ZMAT1: variants seen among roughly 807,000 people sequenced by gnomAD.
The protein encoded by ZMAT1 is zinc finger matrin-type protein 1.
In ZMAT1, 11 loss-of-function variants were observed where a neutral mutation model predicts 18.5. That is an observed-to-expected ratio of 0.59 (90% CI 0.37 to 0.98). ZMAT1 has a LOEUF of 0.98. ZMAT1 is among the 50% of genes least tolerant of loss of function. The probability of loss-of-function intolerance (pLI) is 0.01; values close to 1 mark genes in which losing one functional copy is unlikely to be tolerated. For synonymous variants in ZMAT1, 211 were observed against 176.4 expected (o/e 1.20, Z -1.55); for missense variants, 525 against 496.2 (o/e 1.06, Z -0.55).
At chrX:101,924,481 G>T (rs1161671390) in intron 1 of ZMAT1, among the ~76,000 whole-genome samples, 1 of 112,098 alleles carries the variant, frequency 8.9e-6, no homozygotes, top group African/African-American at 3.2e-5. Flanking sequence ...CAAGTATGAA[G>T]TGGAATATAC....
intron 1 of ZMAT1, chrX:101,918,750 G>T (rs1929529309): frequency 9.0e-6 from 1 of 111,340 alleles, no homozygotes; most frequent in South Asian, 3.8e-4. Context: ...ACTATTAAAG[G>T]TTCAAGAATT....
At chrX:101,908,182 C>T (rs766390820) in intron 1 of ZMAT1, among the ~76,000 whole-genome samples, 3 of 112,312 alleles carry the variant, frequency 2.7e-5, no homozygotes, top group South Asian at 3.7e-4. Flanking sequence ...TATCTAACTT[C>T]GATTCTAACA....
intron 1 of ZMAT1, among the ~76,000 whole-genome samples, chrX:101,920,758 T>G (rs1437714356): frequency 1.8e-5 from 2 of 112,280 alleles, no homozygotes; most frequent in African/African-American, 3.2e-5. Context: ...AATCAGGGTT[T>G]TCTATCACAT....
At chrX:101,894,546 A>G (rs1457800706) in intron 4 of ZMAT1, 3 of 612,607 alleles carry the variant, frequency 4.9e-6, no homozygotes, top group African/African-American at 2.5e-5. Context: ...ATGTGAATCT[A>G]ATACTTGACA....
chrX:101,889,386 A>T (rs1293314352), intron 4 of ZMAT1: 1 of 110,542 alleles, frequency 9.0e-6, no homozygotes, highest in African/African-American at 3.3e-5. Flanking sequence ...TATCGCTTGT[A>T]CCCTTCAGAA....
At chrX:101,890,694 G>A (rs895018092) in intron 4 of ZMAT1, among the ~76,000 whole-genome samples, 2 of 110,787 alleles carry the variant, frequency 1.8e-5, no homozygotes, top group African/African-American at 3.3e-5. Flanking sequence ...AGAGGTATGC[G>A]AGCACAAAGA....
At chrX:101,924,905 G>A (rs910481171) in intron 1 of ZMAT1, among the ~76,000 whole-genome samples, 1 of 112,325 alleles carries the variant, frequency 8.9e-6, no homozygotes, top group African/African-American at 3.2e-5. Flanking sequence ...AATTTGGGAT[G>A]ATGAAAAAGT....
Position 101,883,888 on chromosome X carries a change from T to C in ZMAT1, c.1710A>G (p.Val570=), listed in dbSNP as rs369909616. Residue 570 remains valine, a synonymous_variant, in exon 6 of 6, where the codon GTA becomes GTG. Coordinates refer to ENST00000651725, the MANE Select transcript of ZMAT1 (RefSeq NM_001394560.1). ...QQENNSGSYS[V]ESEVYKHLSS... is the part of the protein sequence containing the mutation. ...AGAGGTGCTTGTAAACTTCAGATTC[T>C]ACACTGTATGAGCCAGAGTTATTTT... is the stretch of plus-strand genomic sequence containing the variant. 541 of 1,208,497 alleles carry C rather than the reference T, an allele frequency of 4.5e-4. No individual in the cohort carries two copies. Among genetic ancestry groups the C allele is most frequent in the Non-Finnish European group, 5.8e-4 (523 of 894,737 alleles).
At chrX:101,904,199 C>T (rs779071214) in intron 2 of ZMAT1, 25 bp downstream of exon 2, 3 of 1,111,424 alleles carry the variant, frequency 2.7e-6, no homozygotes, top group Non-Finnish European at 3.7e-6. Context: ...TGCTTTAGAC[C>T]CTACTTCCAT....
At chrX:101,917,861 T>G (rs1358539248) in intron 1 of ZMAT1, among the ~76,000 whole-genome samples, 1 of 112,527 alleles carries the variant, frequency 8.9e-6, no homozygotes, top group Admixed American at 9.4e-5. Context: ...AGCCATAAAA[T>G]GAATGAGATT....
At chrX:101,919,795 T>C (rs1163921339) in intron 1 of ZMAT1, among the ~76,000 whole-genome samples, 1 of 111,250 alleles carries the variant, frequency 9.0e-6, no homozygotes, top group Middle Eastern at 4.2e-3. Flanking sequence ...ACGGAAAGCT[T>C]AGAATAAAGC....
intron 4 of ZMAT1, chrX:101,888,701 G>A (rs1290901716): frequency 4.5e-5 from 5 of 111,394 alleles, no homozygotes; most frequent in African/African-American, 1.6e-4. Context: ...ATTCACAAAT[G>A]TTCTTAAAAC....
chrX:101,910,197 C>A (rs377657423), intron 1 of ZMAT1, among the ~76,000 whole-genome samples: 8 of 112,551 alleles, frequency 7.1e-5, no homozygotes, highest in Non-Finnish European at 1.5e-4. Flanking sequence ...TATGAGTCTG[C>A]GAGAACCACA....
intron 1 of ZMAT1, among the ~76,000 whole-genome samples, chrX:101,924,746 G>T (rs1001879257): frequency 2.7e-5 from 3 of 111,997 alleles, no homozygotes; most frequent in Non-Finnish European, 5.6e-5. Flanking sequence ...GTGCTTTGTG[G>T]TAATAAGAAA....
At chrX:101,909,782 G>GTT (rs962781966) in intron 1 of ZMAT1, among the ~76,000 whole-genome samples, 20 of 112,344 alleles carry the variant, frequency 1.8e-4, no homozygotes, top group African/African-American at 5.8e-4. Flanking sequence ...GACTTCTAAG[G>GTT]TTTTTTTAAC....
chrX:101,898,866 T>A (rs1928015644), intron 2 of ZMAT1, among the ~76,000 whole-genome samples: 2 of 111,248 alleles, frequency 1.8e-5, no homozygotes, highest in African/African-American at 6.5e-5. Context: ...CTGACCAACA[T>A]GTGAAACCCT....
intron 1 of ZMAT1, among the ~76,000 whole-genome samples, chrX:101,924,827 C>G (rs1170388784): frequency 1.8e-5 from 2 of 111,627 alleles, no homozygotes; most frequent in Non-Finnish European, 3.8e-5. Flanking sequence ...ATAAATACAT[C>G]AGAAAGTTCT....
chrX:101,904,432 T>C (rs1928459240), intron 1 of ZMAT1, 102 bp from the exon 2 acceptor site: 10 of 624,698 alleles, frequency 1.6e-5, no homozygotes, highest in Non-Finnish European at 2.4e-5. Context: ...ATACTTCAAA[T>C]TTGAGTGCTT....
intron 2 of ZMAT1, among the ~76,000 whole-genome samples, chrX:101,901,119 T>C (rs189361924): frequency 7.5e-4 from 84 of 111,328 alleles, no homozygotes; most frequent in African/African-American, 2.7e-3. Context: ...TGGTCGCTGT[T>C]GGTGTATAGA....
Sources: allele counts gnomAD v4.1 joint callset (sites outside exome capture counted in the v4.1 genomes callset), GRCh38; gene constraint gnomAD v4.1.1; transcripts MANE v1.5; gene names NCBI Gene and HGNC (gene_info 2026-07-23, HGNC 2026-07-21).